The following SENP6 variants were observed in gnomAD, a reference collection of about 807,000 sequenced individuals.
SENP6 encodes the protein SUMO specific peptidase 6.
Under a neutral mutation model 134.5 loss-of-function variants are expected in SENP6, and 41 were observed. That is an observed-to-expected ratio of 0.30 (90% CI 0.24 to 0.40). The LOEUF (loss-of-function observed/expected upper bound fraction) is 0.40. Among genes scored for constraint, SENP6 ranks in the 10% least tolerant of loss-of-function variants. The pLI is 1.00. For synonymous variants in SENP6, 395 were observed against 429.8 expected, an observed-to-expected ratio of 0.92 and a Z score of 1.00; for missense variants, 1,248 against 1,312.5, an observed-to-expected ratio of 0.95 and a Z score of 0.76.
intron 3 of SENP6, among the ~76,000 whole-genome samples, chr6:75,627,273 T>C (rs1418976454): frequency 6.6e-6 from 1 of 152,182 alleles, no homozygotes; most frequent in Non-Finnish European, 1.5e-5. Flanking sequence ...GAGGAAATTA[T>C]TGAATTTGAT....
At chr6:75,627,952 G>A (rs149703747) in intron 3 of SENP6, among the ~76,000 whole-genome samples, 3,216 of 152,112 alleles carry the variant, frequency 0.021, 115 homozygotes, top group African/African-American at 0.073. Context: ...GATTACAGGC[G>A]TGAGCCACCA....
At chr6:75,683,189 C>T (rs141053549) in intron 16 of SENP6, among the ~76,000 whole-genome samples, 16 of 152,110 alleles carry the variant, frequency 1.1e-4, no homozygotes, top group East Asian at 9.6e-4. Flanking sequence ...TGTGTCTGTT[C>T]GCTGTATAGA....
intron 19 of SENP6, among the ~76,000 whole-genome samples, chr6:75,706,388 A>G (rs566736022): frequency 2.6e-5 from 4 of 152,298 alleles, no homozygotes; most frequent in East Asian, 1.9e-4. Context: ...CTTTTGACCA[A>G]TAATGTTACA....
At chr6:75,646,932 T>C (rs1450808924) in intron 6 of SENP6, 1 of 152,234 alleles carries the variant, frequency 6.6e-6, no homozygotes, top group African/African-American at 2.4e-5. Flanking sequence ...GTGCCTTGAC[T>C]TTTTGTAATA....
intron 11 of SENP6, 151 bp from the exon 12 acceptor site, chr6:75,675,284 T>G (rs1448594158): frequency 2.0e-6 from 1 of 493,960 alleles, no homozygotes; most frequent in Non-Finnish European, 3.6e-6. Flanking sequence ...AAGCAATGTT[T>G]AGGTGTTCAT....
chr6:75,618,123 C>T (rs1295736148), intron 1 of SENP6, among the ~76,000 whole-genome samples: 1 of 152,076 alleles, frequency 6.6e-6, no homozygotes, highest in African/African-American at 2.4e-5. Context: ...CCTTTTATGT[C>T]TGTGTTTTTG....
chr6:75,647,893 C>T (rs1458589913), intron 7 of SENP6, 92 bp downstream of exon 7: 1 of 953,712 alleles, frequency 1.0e-6, no homozygotes, highest in African/African-American at 1.7e-5. Context: ...AGAATATTCC[C>T]AGGTATAATA....
chr6:75,638,608 A>G (rs1561992704), intron 5 of SENP6, among the ~76,000 whole-genome samples: 15 of 43,572 alleles, frequency 3.4e-4, no homozygotes, highest in East Asian at 1.1e-3. Context: ...ATATATATAT[A>G]TATATATATA....
chr6:75,689,751 G>C (rs945620437), intron 16 of SENP6, among the ~76,000 whole-genome samples: 2 of 152,140 alleles, frequency 1.3e-5, no homozygotes, highest in Admixed American at 6.5e-5. Context: ...GTATAGTGTA[G>C]AAGCAGTAGG....
chr6:75,675,492 CT>C, intron 12 of SENP6, 24 bp downstream of exon 12: 1 of 1,372,748 alleles, frequency 7.3e-7, no homozygotes. Flanking sequence ...TGTCTTTTTA[CT>C]TACCAAAGCT....
chr6:75,616,928 ATCATGGC>A (rs1440098718), intron 1 of SENP6, among the ~76,000 whole-genome samples: 1 of 151,990 alleles, frequency 6.6e-6, no homozygotes, highest in African/African-American at 2.4e-5. Context: ...CTGTGGTGTG[ATCATGGC>A]TCACTGCAGC....
chr6:75,637,669 A>G (rs1225431379), intron 5 of SENP6, among the ~76,000 whole-genome samples: 1 of 151,868 alleles, frequency 6.6e-6, no homozygotes, highest in Non-Finnish European at 1.5e-5. Flanking sequence ...ACTTATAAGA[A>G]CCTTATAAGA....
At chr6:75,626,558 T>C (rs543979543) in intron 3 of SENP6, among the ~76,000 whole-genome samples, 14 of 152,278 alleles carry the variant, frequency 9.2e-5, no homozygotes, top group South Asian at 4.1e-4. Context: ...GAGATTTTTT[T>C]CCCCCAGTCT....
intron 2 of SENP6, among the ~76,000 whole-genome samples, chr6:75,623,430 A>G (rs1768424422): frequency 6.6e-6 from 1 of 152,154 alleles, no homozygotes; most frequent in African/African-American, 2.4e-5. Context: ...AAGTATAACT[A>G]TTTTACCATG....
intron 16 of SENP6, among the ~76,000 whole-genome samples, chr6:75,687,189 G>A (rs1773904313): frequency 6.6e-6 from 1 of 151,956 alleles, no homozygotes; most frequent in South Asian, 2.1e-4. Context: ...TGATCGAATT[G>A]GCTATTGAAG....
At chr6:75,663,652 C>T in intron 9 of SENP6, 134 bp downstream of exon 9, 1 of 690,660 alleles carries the variant, frequency 1.4e-6, no homozygotes, top group East Asian at 2.9e-5. Flanking sequence ...TGTTCTCATC[C>T]TGTCCATCTT....
intron 23 of SENP6, 129 bp from the exon 24 acceptor site, chr6:75,715,256 T>C (rs1332900818): frequency 1.5e-6 from 1 of 685,666 alleles, no homozygotes; most frequent in Non-Finnish European, 2.5e-6. Context: ...TGGCATGTGA[T>C]AGATAATACA....
intron 14 of SENP6, chr6:75,677,482 A>G (rs1269880662): frequency 1.3e-5 from 5 of 384,084 alleles, no homozygotes; most frequent in African/African-American, 4.1e-5. Flanking sequence ...GTTCCTCCAC[A>G]TTCTATCCTT....
At chr6:75,643,595 G>A (rs1279511696) in intron 6 of SENP6, among the ~76,000 whole-genome samples, 5 of 152,068 alleles carry the variant, frequency 3.3e-5, no homozygotes, top group African/African-American at 4.8e-5. Context: ...GATGGCATGC[G>A]CCTGTAATCC....
Sources: allele counts gnomAD v4.1 joint callset (sites outside exome capture counted in the v4.1 genomes callset), GRCh38; gene constraint gnomAD v4.1.1; transcripts MANE v1.5; gene names NCBI Gene and HGNC (gene_info 2026-07-23, HGNC 2026-07-21).